The following MYO10 variants were observed in gnomAD, a reference collection of about 807,000 sequenced individuals.
MYO10 encodes the protein myosin X, also known as unconventional myosin-X.
MYO10 carries 133 observed loss-of-function variants against 257.3 expected under a neutral mutation model. The ratio of observed to expected loss-of-function variants is 0.52; its 90% CI spans 0.45 to 0.60. The LOEUF is 0.60. Among genes scored for constraint, MYO10 ranks in the 20% least tolerant of loss-of-function variants. The pLI is 0.00. For missense variants in MYO10, 2,399 were observed against 2,635.7 expected (o/e 0.91, Z 1.97); for synonymous variants, 1,104 against 1,028.6 (o/e 1.07, Z -1.40).
intron 21 of MYO10, among the ~76,000 whole-genome samples, chr5:16,709,971 T>C (rs3849107): frequency 0.35 from 52,679 of 152,104 alleles, 9,558 homozygotes; most frequent in East Asian, 0.46. Context: ...CAATCTCACA[T>C]TGGTCAAACT....
chr5:16,854,091 G>A (rs1308066482), intron 2 of MYO10: 2 of 152,024 alleles, frequency 1.3e-5, no homozygotes, highest in Non-Finnish European at 2.9e-5. Flanking sequence ...GGGAAACATA[G>A]TCCTAAGACA....
chr5:16,901,539 C>A (rs567132060), intron 1 of MYO10, among the ~76,000 whole-genome samples: 2 of 152,270 alleles, frequency 1.3e-5, no homozygotes, highest in South Asian at 4.1e-4. Flanking sequence ...CTTCACCTTT[C>A]GCGTCCAACT....
chr5:16,877,381 T>C (rs1377524102), intron 2 of MYO10, among the ~76,000 whole-genome samples: 1 of 152,170 alleles, frequency 6.6e-6, no homozygotes, highest in African/African-American at 2.4e-5. Context: ...TGCCCTTCTG[T>C]CCCCACACTA....
At chr5:16,714,776 T>C (rs1317884237) in intron 19 of MYO10, among the ~76,000 whole-genome samples, 2 of 152,140 alleles carry the variant, frequency 1.3e-5, no homozygotes, top group African/African-American at 2.4e-5. Flanking sequence ...TGAGCCAAGA[T>C]TGTGCCACTG....
rs566388156 is a variant in MYO10 at position 16,709,422 on chromosome 5, T to C, written c.2169+1486A>G. The stretch of plus-strand genomic sequence containing the variant: ...AGCAAAGGTGACGGGATATCACTTC[T>C]GTGAGAACGCTACAACCCTACGCTG... On this transcript the variant is annotated intron_variant, in intron 21 of 40. Coordinates refer to ENST00000513610, the MANE Select transcript of MYO10 (RefSeq NM_012334.3). Among the ~76,000 whole-genome samples the C allele has an allele frequency of 7.2e-5, 11 of 152,330 alleles. No individual in the cohort carries two copies. The East Asian group carries it at 2.1e-3, about 29-fold the overall frequency.
intron 21 of MYO10, among the ~76,000 whole-genome samples, chr5:16,707,171 T>C (rs1398834638): frequency 2.0e-5 from 3 of 152,204 alleles, no homozygotes; most frequent in Non-Finnish European, 2.9e-5. Flanking sequence ...TCTTCTGCCA[T>C]GATCATGAGG....
chr5:16,861,256 A>T (rs13171659), intron 2 of MYO10, among the ~76,000 whole-genome samples: 24,500 of 134,808 alleles, frequency 0.18, 2,144 homozygotes, highest in East Asian at 0.26. Context: ...CTACAGCAAT[A>T]AAAAAAAAAA....
chr5:16,839,612 G>C (rs904549938), intron 2 of MYO10, among the ~76,000 whole-genome samples: 1 of 152,006 alleles, frequency 6.6e-6, no homozygotes, highest in African/African-American at 2.4e-5. Flanking sequence ...GCACGGTGGC[G>C]TATGCCTGCA....
intron 2 of MYO10, among the ~76,000 whole-genome samples, chr5:16,848,804 T>A (rs1285687277): frequency 1.3e-5 from 2 of 151,932 alleles, no homozygotes; most frequent in South Asian, 4.1e-4. Flanking sequence ...GGGTGTTAAG[T>A]CCTGAGGATA....
Position 16,902,759 on chromosome 5 carries a change from C to T in MYO10, c.22-25052G>A, listed in dbSNP as rs1311504140. The stretch of plus-strand genomic sequence containing the variant: ...TCAGGTGATCCACCCGCCTTGGCGT[C>T]CCAAAGTGCCGGGATTACAGGCGTA... On this transcript the variant is annotated intron_variant, in intron 1 of 40. Transcript: ENST00000513610. The T allele has an allele frequency of 4.6e-6, 3 of 658,102 alleles. No individual in the cohort carries two copies. In the Admixed American group the frequency reaches 7.1e-5, roughly 16 times the overall value. The allele number at this position is 658,102 out of a possible 1,614,324, so 40.8% of individuals were successfully genotyped here.
At chr5:16,723,821 C>T (rs867228106) in intron 19 of MYO10, among the ~76,000 whole-genome samples, 7 of 152,302 alleles carry the variant, frequency 4.6e-5, no homozygotes, top group Middle Eastern at 3.4e-3. Flanking sequence ...ACCTCAAGTG[C>T]ATACATAGTG....
At chr5:16,675,996 G>A (rs561267409) in intron 34 of MYO10, 35 bp downstream of exon 34, 1 of 1,583,410 alleles carries the variant, frequency 6.3e-7, no homozygotes, top group Non-Finnish European at 8.6e-7. Context: ...TGGAATCATG[G>A]TCTCTGAGGA....
At chr5:16,880,909 G>C (rs1030348168) in intron 1 of MYO10, among the ~76,000 whole-genome samples, 3 of 152,178 alleles carry the variant, frequency 2.0e-5, no homozygotes, top group African/African-American at 7.2e-5. Flanking sequence ...TCAAGTGCCT[G>C]ATGACTTTTT....
intron 19 of MYO10, among the ~76,000 whole-genome samples, chr5:16,751,370 G>A (rs1740372473): frequency 1.3e-5 from 2 of 152,170 alleles, no homozygotes; most frequent in Non-Finnish European, 2.9e-5. Flanking sequence ...TGCTAATCGA[G>A]CCATAGCTAT....
At chr5:16,770,618 C>T (rs557239542) in intron 9 of MYO10, among the ~76,000 whole-genome samples, 2 of 152,206 alleles carry the variant, frequency 1.3e-5, no homozygotes, top group South Asian at 4.1e-4. Flanking sequence ...TTGGCAATAT[C>T]GATGAAAATG....
chr5:16,798,900 G>A (rs1484410305), intron 3 of MYO10, among the ~76,000 whole-genome samples: 1 of 151,996 alleles, frequency 6.6e-6, no homozygotes, highest in African/African-American at 2.4e-5. Context: ...CAAGCAGAGG[G>A]TGAAAGCCAC....
intron 2 of MYO10, among the ~76,000 whole-genome samples, chr5:16,863,598 AAAC>A (rs1200899381): frequency 6.6e-6 from 1 of 152,250 alleles, no homozygotes; most frequent in Non-Finnish European, 1.5e-5. Context: ...TGAAATATAC[AAAC>A]AACAATCTCA....
At chr5:16,702,354 A>G (rs969432259) in intron 24 of MYO10, among the ~76,000 whole-genome samples, 189 bp downstream of exon 24, 1 of 152,266 alleles carries the variant, frequency 6.6e-6, no homozygotes, top group Non-Finnish European at 1.5e-5. Context: ...GATGCACACT[A>G]AAACCTCAGC....
At chr5:16,681,798 T>C in intron 31 of MYO10, 73 bp downstream of exon 31, 2 of 1,475,254 alleles carry the variant, frequency 1.4e-6, no homozygotes, top group East Asian at 2.3e-5. Flanking sequence ...GAAATGAAAA[T>C]GCTGCAGATG....
Sources: allele counts gnomAD v4.1 joint callset (sites outside exome capture counted in the v4.1 genomes callset), GRCh38; gene constraint gnomAD v4.1.1; transcripts MANE v1.5; gene names NCBI Gene and HGNC (gene_info 2026-07-23, HGNC 2026-07-21).